The following PRKG1 variants were observed in gnomAD, a reference collection of about 807,000 sequenced individuals.
PRKG1 encodes protein kinase cGMP-dependent 1.
A neutral mutation model predicts 88.1 loss-of-function variants in PRKG1; 35 were observed. That is an observed-to-expected ratio of 0.40 (90% confidence interval 0.30 to 0.53). The LOEUF (loss-of-function observed/expected upper bound fraction) is 0.53. PRKG1 is among the 20% of genes least tolerant of loss of function. The pLI is 0.59. For missense variants in PRKG1, 540 were observed against 839.8 expected (o/e 0.64, Z 4.41); for synonymous variants, 303 against 292.5 (o/e 1.04, Z -0.37).
chr10:51,410,256 G>GTATATA (rs34400449), intron 2 of PRKG1, among the ~76,000 whole-genome samples: 16 of 140,656 alleles, frequency 1.1e-4, no homozygotes, highest in Middle Eastern at 3.5e-3. Flanking sequence ...GTGTGTGTGT[G>GTATATA]TGTATATATA....
chr10:51,789,635 A>C (rs1838815184), intron 3 of PRKG1, among the ~76,000 whole-genome samples: 2 of 152,154 alleles, frequency 1.3e-5, no homozygotes, highest in South Asian at 4.1e-4. Context: ...GGAGACATTT[A>C]TGCCTAAGAG....
chr10:51,615,568 A>C (rs1839028363), intron 3 of PRKG1, among the ~76,000 whole-genome samples: 1 of 145,208 alleles, frequency 6.9e-6, no homozygotes, highest in Admixed American at 7.0e-5. Flanking sequence ...TTACATCTTG[A>C]GATTATTTCT....
chr10:52,248,368 G>C (rs1211306333), intron 9 of PRKG1, among the ~76,000 whole-genome samples: 1 of 152,162 alleles, frequency 6.6e-6, no homozygotes, highest in Non-Finnish European at 1.5e-5. Flanking sequence ...GAGTGGAAAA[G>C]ATAAACAGTT....
In PRKG1 at chr10:52,297,913, C is replaced by T. The variant is rs1842413175; in HGVS notation, c.*4013C>T. On this transcript the variant is annotated 3_prime_UTR_variant, in exon 18 of 18. Transcript: ENST00000373980. ...ATTTACGAGGCAAGTTTTCAACAGA[C>T]CTAGAAAGCAAAACATTGAAAGTGT... 6.6e-6 allele frequency: 1 copy of T among 152,158 alleles called. No individual in the cohort carries two copies. Among genetic ancestry groups the T allele is most frequent in the Admixed American group, 6.6e-5 (1 of 15,262 alleles). 9.4% of individuals were successfully genotyped at this position (152,158 alleles called of 1,614,324 possible). A position where few individuals can be genotyped will look rare whatever the true frequency, so the allele number is the denominator to read the frequency against.
chr10:51,137,089 G>C (rs1288459716), intron 1 of PRKG1, among the ~76,000 whole-genome samples: 5 of 151,966 alleles, frequency 3.3e-5, no homozygotes, highest in Non-Finnish European at 7.4e-5. Context: ...GTTTCACCGT[G>C]TTAACCAGAA....
intron 2 of PRKG1, among the ~76,000 whole-genome samples, chr10:51,299,028 C>A (rs1286178860): frequency 3.3e-5 from 5 of 152,104 alleles, no homozygotes; most frequent in Non-Finnish European, 7.4e-5. Context: ...AGGAATATGA[C>A]CATTACTCCA....
intron 3 of PRKG1, among the ~76,000 whole-genome samples, chr10:51,472,013 AT>A: frequency 6.6e-6 from 1 of 152,086 alleles, no homozygotes; most frequent in Middle Eastern, 3.4e-3. Context: ...TTCATTATTA[AT>A]GCCAAAGAGC....
At chr10:51,679,704 C>CT (rs200695914) in intron 3 of PRKG1, among the ~76,000 whole-genome samples, 25,781 of 109,188 alleles carry the variant, frequency 0.24, 2,608 homozygotes, top group African/African-American at 0.28. Context: ...GGGCAGGGAA[C>CT]TTTTTTTTTT....
At chr10:51,004,706 G>T (rs944091694) in intron 1 of PRKG1, among the ~76,000 whole-genome samples, 2 of 151,836 alleles carry the variant, frequency 1.3e-5, no homozygotes, top group African/African-American at 4.8e-5. Context: ...TTGTGCACTT[G>T]GTTTGATGTT....
chr10:51,803,308 A>T (rs1237150051), intron 3 of PRKG1, among the ~76,000 whole-genome samples: 1 of 152,106 alleles, frequency 6.6e-6, no homozygotes, highest in Non-Finnish European at 1.5e-5. Context: ...TTTCTACTTC[A>T]GTGAGCATGT....
At chr10:51,849,775 C>T (rs1460224958) in intron 4 of PRKG1, among the ~76,000 whole-genome samples, 3 of 151,936 alleles carry the variant, frequency 2.0e-5, no homozygotes, top group Non-Finnish European at 4.4e-5. Flanking sequence ...ATTTTATATA[C>T]AAATATTCCT....
intron 1 of PRKG1, among the ~76,000 whole-genome samples, chr10:51,125,419 G>C (rs1235425350): frequency 1.3e-5 from 2 of 150,630 alleles, no homozygotes; most frequent in Non-Finnish European, 3.0e-5. Context: ...CAGGCACAGT[G>C]GCTGAAGCCT....
intron 2 of PRKG1, among the ~76,000 whole-genome samples, chr10:51,401,349 A>G (rs1159940380): frequency 6.6e-6 from 1 of 152,344 alleles, no homozygotes; most frequent in Admixed American, 6.5e-5. Context: ...GAGCAACTTT[A>G]GATGGAGGCT....
At chr10:51,525,540 T>A (rs547512907) in intron 3 of PRKG1, among the ~76,000 whole-genome samples, 86 of 151,794 alleles carry the variant, frequency 5.7e-4, no homozygotes, top group African/African-American at 2.0e-3. Flanking sequence ...CTACTAAAAA[T>A]ACAAAAAATT....
chr10:51,266,498 C>G (rs528869974), intron 2 of PRKG1, among the ~76,000 whole-genome samples: 135 of 152,286 alleles, frequency 8.9e-4, no homozygotes, highest in Non-Finnish European at 1.5e-3. Flanking sequence ...CTTTAGCAGA[C>G]TCTTTCTTCC....
At chr10:51,061,432 C>G (rs1047392282) in intron 1 of PRKG1, among the ~76,000 whole-genome samples, 1 of 152,174 alleles carries the variant, frequency 6.6e-6, no homozygotes, top group East Asian at 1.9e-4. Context: ...GGTGGGAACT[C>G]AGCCAAACCA....
chr10:52,177,112 C>T (rs1838887667), intron 9 of PRKG1, among the ~76,000 whole-genome samples: 3 of 151,992 alleles, frequency 2.0e-5, no homozygotes, highest in Admixed American at 6.6e-5. Flanking sequence ...AAAGGAAAAG[C>T]TTCAGATTTT....
At chr10:51,172,644 GTATGTATCTATCTATCTATCTATC>G (rs1236529628) in intron 2 of PRKG1, among the ~76,000 whole-genome samples, 2,062 of 119,380 alleles carry the variant, frequency 0.017, 40 homozygotes, top group African/African-American at 0.055. Flanking sequence ...ATGTATGTAT[GTATGTATCTATCTATCTATCTATC>G]TATCTATCTA....
intron 2 of PRKG1, among the ~76,000 whole-genome samples, chr10:51,260,399 C>G (rs1839674007): frequency 1.3e-5 from 2 of 151,564 alleles, no homozygotes; most frequent in African/African-American, 4.9e-5. Flanking sequence ...GTTTTACTCT[C>G]CTAGATGATT....
Sources: gnomAD v4.1 joint callset for allele counts (sites outside exome capture counted in the v4.1 genomes callset) on GRCh38, gnomAD v4.1.1 for gene constraint, MANE v1.5 for transcripts, NCBI Gene and HGNC (gene_info 2026-07-23, HGNC 2026-07-21) for gene names.